CCDC33: variants seen among roughly 807,000 people sequenced by gnomAD.
CCDC33 encodes the protein coiled-coil domain-containing protein 33.
In CCDC33, 94 loss-of-function variants were observed where a neutral mutation model predicts 91.9. That is an observed-to-expected ratio of 1.02 (90% CI 0.87 to 1.21). CCDC33 has a LOEUF of 1.21. CCDC33 is among the 50% of genes most tolerant of loss of function. The probability of loss-of-function intolerance (pLI) is 0.00; values close to 1 mark genes in which losing one functional copy is unlikely to be tolerated. For missense variants in CCDC33, 940 were observed against 935.5 expected, an observed-to-expected ratio of 1.00 and a Z score of -0.06; for synonymous variants, 396 against 374.5, an observed-to-expected ratio of 1.06 and a Z score of -0.66.
chr15:74,247,952 A>C (rs2075590053), intron 2 of CCDC33, among the ~76,000 whole-genome samples: 1 of 152,080 alleles, frequency 6.6e-6, no homozygotes, highest in Admixed American at 6.6e-5. Flanking sequence ...TGGTGGGCAC[A>C]TGTAATCCCA....
intron 1 of CCDC33, among the ~76,000 whole-genome samples, chr15:74,206,291 G>C (rs553422742): frequency 2.0e-5 from 3 of 152,220 alleles, no homozygotes; most frequent in Non-Finnish European, 4.4e-5. Flanking sequence ...CATGGATAGC[G>C]GGTGGCCGCG....
intron 11 of CCDC33, among the ~76,000 whole-genome samples, chr15:74,306,407 C>G (rs1341483766): frequency 1.3e-5 from 2 of 152,204 alleles, no homozygotes; most frequent in Non-Finnish European, 2.9e-5. Flanking sequence ...AGAGAAAAGC[C>G]AACCAAGCAT....
intron 2 of CCDC33, chr15:74,221,355 G>T: frequency 1.0e-6 from 1 of 970,348 alleles, no homozygotes; most frequent in Non-Finnish European, 1.2e-6. Context: ...GGAAGACAAG[G>T]CTCAGTGTGA....
intron 2 of CCDC33, among the ~76,000 whole-genome samples, chr15:74,219,916 C>A (rs1436681560): frequency 6.6e-6 from 1 of 152,130 alleles, no homozygotes; most frequent in Non-Finnish European, 1.5e-5. Context: ...CAGAAGTTGA[C>A]AACCAAAGGC....
chr15:74,238,416 A>C (rs2075247308), intron 1 of CCDC33, among the ~76,000 whole-genome samples: 1 of 152,050 alleles, frequency 6.6e-6, no homozygotes, highest in Non-Finnish European at 1.5e-5. Flanking sequence ...TCTCAAAAAA[A>C]AAAAAAAAAA....
chr15:74,330,978 CAGA>C lies in CCDC33; in HGVS notation c.1548_1550del (p.Lys516del), dbSNP rs1255748607. On this transcript the variant is annotated splice_acceptor_variant and coding_sequence_variant, in exon 14 of 19. Coordinates refer to ENST00000398814, the MANE Select transcript of CCDC33 (RefSeq NM_025055.5). LOFTEE classifies it high-confidence loss of function. ...TCCCCTTCTCTCCTCCCCCATCTCA[CAGA>C]AGAATGATCGAGAGAAGGAGCTGCT... 1.3e-6 allele frequency: 2 copies of C among 1,580,666 alleles called. No individual in the cohort carries two copies. The highest frequency in any genetic ancestry group is 1.7e-6 in the Non-Finnish European group (2 of 1,163,140).
intron 2 of CCDC33, among the ~76,000 whole-genome samples, chr15:74,254,171 T>G (rs889176877): frequency 1.3e-5 from 2 of 152,018 alleles, no homozygotes; most frequent in Non-Finnish European, 2.9e-5. Flanking sequence ...TAGCTGGGAT[T>G]ACAGGCGCGC....
Position 74,324,157 on chromosome 15 carries a change from G to T in CCDC33, c.1291-6032G>T, listed in dbSNP as rs1191956407. 2.7e-5 allele frequency among the ~76,000 whole-genome samples: 4 copies of T among 148,968 alleles called. No homozygotes were observed. The South Asian group carries it at 6.4e-4, about 24-fold the overall frequency. ...ACCTGCTTTGCTTCTTTATACTGTCGCTACCTGAGCATGCCTCTCGAATCA... is the reference window on the plus strand; with the variant it reads ...ACCTGCTTTGCTTCTTTATACTGTCTCTACCTGAGCATGCCTCTCGAATCA... On this transcript the variant is annotated intron_variant, in intron 11 of 18. Coordinates refer to ENST00000398814, the MANE Select transcript of CCDC33 (RefSeq NM_025055.5).
At chr15:74,266,039 T>C (rs1439221115) in intron 3 of CCDC33, among the ~76,000 whole-genome samples, 1 of 152,236 alleles carries the variant, frequency 6.6e-6, no homozygotes, top group Non-Finnish European at 1.5e-5. Context: ...AAAAAGTTTA[T>C]ACCAATATTC....
chr15:74,219,890 G>A lies in CCDC33; in HGVS notation c.675+1029G>A, dbSNP rs187740909. The stretch of plus-strand genomic sequence containing the variant: ...AGAGGTTCCGCTGGCAGTAGAAGAT[G>A]AGCAGAGATTGGAGCCAGAAGTTGA... On this transcript the variant is annotated intron_variant, in intron 2 of 2. Coordinates refer to the CCDC33 transcript ENST00000635913. Among the ~76,000 whole-genome samples, 18 of 152,294 alleles carry A rather than the reference G, an allele frequency of 1.2e-4. No homozygotes were observed. The East Asian group carries it at 3.1e-3, about 26-fold the overall frequency.
In CCDC33 at chr15:74,271,012, G is replaced by GA. The variant is rs2076300624; in HGVS notation, c.547-688dup. Among the ~76,000 whole-genome samples the GA allele has an allele frequency of 4.6e-5, 7 of 152,244 alleles. No homozygotes were observed. The South Asian group carries it at 1.4e-3, about 32-fold the overall frequency. On this transcript the variant is annotated intron_variant, in intron 5 of 18. Transcript: ENST00000398814. ...GGAGTGACAACCGGGATCTGATGAA[G>GA]AAAGAGGAGCCCAGAGATGCGGATG...
Position 74,281,957 on chromosome 15 carries a change from C to T in CCDC33, c.1095+108C>T, listed in dbSNP as rs1331896998. ...TTCAGGGACTTCTGGGAGGATGGGA[C>T]TACTACTTTGGATAGAAACGTCTAA... On this transcript the variant is annotated intron_variant, in intron 10 of 18. Coordinates refer to ENST00000398814, the MANE Select transcript of CCDC33 (RefSeq NM_025055.5). 3 of 922,976 alleles carry T rather than the reference C, an allele frequency of 3.3e-6. No individual in the cohort carries two copies. In the African/African-American group the frequency reaches 4.9e-5, roughly 15 times the overall value. The allele number at this position is 922,976 out of a possible 1,614,324, so 57.2% of individuals were successfully genotyped here.
chr15:74,228,409 T>G (rs963682391), intron 2 of CCDC33, among the ~76,000 whole-genome samples: 33 of 152,232 alleles, frequency 2.2e-4, no homozygotes, highest in Non-Finnish European at 5.9e-5. Flanking sequence ...CTATAGCCAA[T>G]GCTCACAAAA....
chr15:74,214,360 C>T (rs1431997429), upstream of CCDC33, among the ~76,000 whole-genome samples: 1 of 152,116 alleles, frequency 6.6e-6, no homozygotes, highest in Non-Finnish European at 1.5e-5. Flanking sequence ...CTGCCTCCCT[C>T]CACTCACCCC....
At chr15:74,321,734 G>A (rs1056037927) in intron 11 of CCDC33, among the ~76,000 whole-genome samples, 1 of 152,190 alleles carries the variant, frequency 6.6e-6, no homozygotes, top group African/African-American at 2.4e-5. Flanking sequence ...AAAGTATTGG[G>A]AAATTTAGAT....
chr15:74,251,829 A>T (rs1002511673), intron 2 of CCDC33, among the ~76,000 whole-genome samples: 1 of 152,198 alleles, frequency 6.6e-6, no homozygotes, highest in African/African-American at 2.4e-5. Flanking sequence ...TAATTGAAGA[A>T]GATGTTAAAA....
intron 3 of CCDC33, among the ~76,000 whole-genome samples, chr15:74,265,591 G>T (rs188335626): frequency 1.3e-5 from 2 of 152,190 alleles, no homozygotes; most frequent in African/African-American, 2.4e-5. Flanking sequence ...ATACCTACCC[G>T]GGGGGTTGTG....
intron 11 of CCDC33, among the ~76,000 whole-genome samples, chr15:74,312,481 A>C (rs1479309838): frequency 6.6e-6 from 1 of 152,190 alleles, no homozygotes; most frequent in Non-Finnish European, 1.5e-5. Context: ...CTGCAGATCC[A>C]GCGAGACATC....
intron 9 of CCDC33, among the ~76,000 whole-genome samples, chr15:74,281,031 G>T (rs1222357164): frequency 6.6e-6 from 1 of 152,236 alleles, no homozygotes; most frequent in African/African-American, 2.4e-5. Context: ...AATTGCCCCT[G>T]AGCAACTTGG....
Sources: gnomAD v4.1 joint callset for allele counts (sites outside exome capture counted in the v4.1 genomes callset) on GRCh38, gnomAD v4.1.1 for gene constraint, MANE v1.5 for transcripts, NCBI Gene and HGNC (gene_info 2026-07-23, HGNC 2026-07-21) for gene names.